Variants in USP48 observed in about 807,000 individuals in gnomAD.
USP48 encodes the protein ubiquitin specific peptidase 48.
Under a neutral mutation model 150.7 loss-of-function variants are expected in USP48, and 43 were observed. That is an observed-to-expected ratio of 0.29 (90% CI 0.22 to 0.37). The LOEUF is 0.37. USP48 is among the 10% of genes least tolerant of loss of function. The pLI is 1.00. For synonymous variants in USP48, 396 were observed against 425.9 expected, an observed-to-expected ratio of 0.93 and a Z score of 0.86; for missense variants, 813 against 1,249.6, an observed-to-expected ratio of 0.65 and a Z score of 5.27.
chr1:21,728,589 T>C lies in USP48; in HGVS notation c.1431A>G (p.Gln477=). The part of the protein sequence containing the change: ...AKHEEVKELY[Q]RLPAGAEPYE... ...ACAGACCAGCTCCAGCAGGTAACCT[T>C]TGGTACAGCTCCTTAACCTCTTCGT... The change falls in exon 11 of 27, where the codon CAA becomes CAG. Residue 477 remains glutamine, a synonymous_variant. Coordinates refer to ENST00000308271, the MANE Select transcript of USP48 (RefSeq NM_032236.8). 6.2e-7 allele frequency: 1 copy of C among 1,614,074 alleles called. No homozygotes were observed. Among genetic ancestry groups the C allele is most frequent in the Non-Finnish European group, 8.5e-7 (1 of 1,179,972 alleles).
intron 8 of USP48, among the ~76,000 whole-genome samples, chr1:21,745,279 ATATT>A (rs931514555): frequency 7.2e-5 from 11 of 152,116 alleles, no homozygotes; most frequent in East Asian, 3.8e-4. Flanking sequence ...TGAGTAGATA[ATATT>A]TATTTATTTA....
At chr1:21,746,929 TGTTCCCAGACAGAG>T in intron 8 of USP48, 124 bp downstream of exon 8, 3 of 611,502 alleles carry the variant, frequency 4.9e-6, no homozygotes, top group Non-Finnish European at 8.1e-6. Context: ...AAAAAGTCTT[TGTTCCCAGACAGAG>T]GTTCCCAGAG....
At chr1:21,780,282 T>C (rs9970501) in intron 1 of USP48, among the ~76,000 whole-genome samples, 124,593 of 152,170 alleles carry the variant, frequency 0.82, 51,624 homozygotes, top group Admixed American at 0.89. Flanking sequence ...AAACATTACG[T>C]TAAGTGAAAC....
At position 21,742,879 on chromosome 1, in the gene USP48, A is replaced by T. The variant is rs775663943; in HGVS notation, c.991+4188T>A. 2.0e-4 allele frequency among the ~76,000 whole-genome samples: 30 copies of T among 152,244 alleles called. 1 individual carries two copies. The highest frequency in any genetic ancestry group is 1.5e-4 in the Non-Finnish European group (10 of 68,042). ...TGCAATAACCAGCATGCAGTCAAAG[A>T]CAACCATGAACAGAAGCAACAAAAC... is the stretch of plus-strand genomic sequence containing the variant. On this transcript the variant is annotated intron_variant, in intron 8 of 26. Coordinates refer to ENST00000308271, the MANE Select transcript of USP48 (RefSeq NM_032236.8).
At chr1:21,756,474 C>CAA (rs35545280) in intron 3 of USP48, 72 bp downstream of exon 3, 9,390 of 1,170,000 alleles carry the variant, frequency 8.0e-3, no homozygotes, top group East Asian at 0.019. Flanking sequence ...GAGGAAGACT[C>CAA]AAAAAAAAAA....
chr1:21,732,939 T>G (rs1210371564), intron 9 of USP48: 1 of 155,428 alleles, frequency 6.4e-6, no homozygotes, highest in Admixed American at 6.4e-5. Flanking sequence ...GATTTTAAAA[T>G]GTGCAAAGAA....
chr1:21,769,067 TG>T (rs2097871298), intron 1 of USP48, among the ~76,000 whole-genome samples: 1 of 152,198 alleles, frequency 6.6e-6, no homozygotes. Context: ...TTTGAGTTGT[TG>T]CTTTTGCTAA....
At chr1:21,718,924 T>C (rs1289345272) in intron 14 of USP48, among the ~76,000 whole-genome samples, 1 of 152,164 alleles carries the variant, frequency 6.6e-6, no homozygotes, top group Non-Finnish European at 1.5e-5. Context: ...AGAACTCAAA[T>C]TGATGTTAAG....
chr1:21,683,035 C>G (rs533341119), intron 25 of USP48, among the ~76,000 whole-genome samples: 1 of 152,114 alleles, frequency 6.6e-6, no homozygotes, highest in Non-Finnish European at 1.5e-5. Context: ...CCGAGATGGG[C>G]AGATCACCTG....
Position 21,757,719 on chromosome 1 carries a change from T to C in USP48, c.199A>G (p.Ile67Val). The part of the protein sequence containing the change: ...GIGEHIWLGE[I>V]DENSFHNIDD... ...ATGTTATGAAAACTATTTTCATCTA[T>C]TTCTCCTAACCAAATATGCTCACCA... Residue 67 changes from isoleucine to valine, a missense_variant, in exon 2 of 27, where the codon ATA (isoleucine) becomes GTA (valine). Coordinates refer to ENST00000308271, the MANE Select transcript of USP48 (RefSeq NM_032236.8). 1.9e-6 allele frequency: 3 copies of C among 1,613,400 alleles called. No individual in the cohort carries two copies. The highest frequency in any genetic ancestry group is 1.1e-5 in the South Asian group (1 of 90,876).
At chr1:21,687,725 T>C (rs1257957128) in intron 24 of USP48, among the ~76,000 whole-genome samples, 1 of 152,228 alleles carries the variant, frequency 6.6e-6, no homozygotes. Context: ...TGTCTGAGCT[T>C]ATGATAAGGT....
At chr1:21,724,241 G>T in intron 11 of USP48, 146 bp from the exon 12 acceptor site, 1 of 804,334 alleles carries the variant, frequency 1.2e-6, no homozygotes, top group Non-Finnish European at 2.0e-6. Flanking sequence ...GATGTTTGAT[G>T]AGTACGACAC....
In USP48 at chr1:21,687,248, C is replaced by G. The variant is rs757583109; in HGVS notation, c.3010-9G>C. 3.1e-6 allele frequency: 5 copies of G among 1,611,142 alleles called. No homozygotes were observed. In the African/African-American group the frequency reaches 6.7e-5, roughly 22 times the overall value. Reference sequence around the variant, plus strand: ...GCAATTGGTTCATCAGCCTAGAAAACAAATGAAGACAATTCAAAACCACAA... The same window carrying G: ...GCAATTGGTTCATCAGCCTAGAAAAGAAATGAAGACAATTCAAAACCACAA... On this transcript the variant is annotated splice_polypyrimidine_tract_variant and intron_variant, in intron 24 of 26. Transcript: ENST00000308271.
chr1:21,774,461 G>A (rs918529829), intron 1 of USP48, among the ~76,000 whole-genome samples: 13 of 152,032 alleles, frequency 8.6e-5, no homozygotes, highest in Admixed American at 7.9e-4. Flanking sequence ...GGCCAAGGTG[G>A]GCAGATCGCG....
intron 8 of USP48, among the ~76,000 whole-genome samples, chr1:21,740,733 G>A (rs1489234787): frequency 6.6e-6 from 1 of 152,132 alleles, no homozygotes; most frequent in Non-Finnish European, 1.5e-5. Context: ...AGTGGAAATA[G>A]CAAATACATA....
At chr1:21,733,683 A>G (rs2097762299) in intron 9 of USP48, among the ~76,000 whole-genome samples, 1 of 152,244 alleles carries the variant, frequency 6.6e-6, no homozygotes, top group Non-Finnish European at 1.5e-5. Flanking sequence ...CATATATAAG[A>G]CAGCCTTAAC....
chr1:21,735,383 T>TG (rs2097766518), intron 9 of USP48, among the ~76,000 whole-genome samples: 1 of 152,024 alleles, frequency 6.6e-6, no homozygotes, highest in Non-Finnish European at 1.5e-5. Flanking sequence ...GGAGGACTGT[T>TG]AAACTCAGGA....
chr1:21,720,441 G>C (rs143960071), intron 14 of USP48, among the ~76,000 whole-genome samples: 1 of 152,124 alleles, frequency 6.6e-6, no homozygotes, highest in Non-Finnish European at 1.5e-5. Flanking sequence ...TGAGCTACTT[G>C]TGAGAGCTTG....
At chr1:21,719,670 C>T (rs1426375660) in intron 14 of USP48, among the ~76,000 whole-genome samples, 1 of 152,160 alleles carries the variant, frequency 6.6e-6, no homozygotes, top group Admixed American at 6.5e-5. Context: ...GAGTTCAAGA[C>T]TAGCCTGGCC....
Sources: gnomAD v4.1 joint callset for allele counts (sites outside exome capture counted in the v4.1 genomes callset) on GRCh38, gnomAD v4.1.1 for gene constraint, MANE v1.5 for transcripts, NCBI Gene and HGNC (gene_info 2026-07-23, HGNC 2026-07-21) for gene names.